NR6A1: variants seen among roughly 807,000 people sequenced by gnomAD.
The protein encoded by NR6A1 is retinoic acid receptor-related testis-associated receptor.
Under a neutral mutation model 59.1 loss-of-function variants are expected in NR6A1, and 7 were observed. The ratio of observed to expected loss-of-function variants is 0.12; its 90% confidence interval spans 0.07 to 0.22. The LOEUF (loss-of-function observed/expected upper bound fraction) is 0.22. Ranked by LOEUF, NR6A1 falls within the 10% of genes least tolerant of loss-of-function variation. NR6A1 has a pLI of 1.00. For synonymous variants in NR6A1, 243 were observed against 236.1 expected, an observed-to-expected ratio of 1.03 and a Z score of -0.27; for missense variants, 468 against 611.6, an observed-to-expected ratio of 0.77 and a Z score of 2.48.
chr9:124,528,708 AAAAT>A (rs1183377008), intron 7 of NR6A1, among the ~76,000 whole-genome samples: 1 of 152,104 alleles, frequency 6.6e-6, no homozygotes, highest in African/African-American at 2.4e-5. Flanking sequence ...TCAGAAAAAA[AAAAT>A]AAAACAAAAA....
Position 124,711,187 on chromosome 9 carries a change from TAAAAAAAAAAA to T in NR6A1, c.142+22110_142+22120del, listed in dbSNP as rs58609931. 3.0e-3 allele frequency among the ~76,000 whole-genome samples: 201 copies of T among 66,496 alleles called. 3 individuals are homozygous for T. The East Asian group carries it at 0.067, about 22-fold the overall frequency. The allele number at this position is 66,496 out of a possible 152,430, so 43.6% of individuals were successfully genotyped here. On this transcript the variant is annotated intron_variant, in intron 2 of 9. Transcript: ENST00000487099. ...TTACATGCCTAAGTCAGCTAAGGTT[TAAAAAAAAAAA>T]AAAAAAAAAAAAAAAAAGCTGGCAT...
intron 2 of NR6A1, among the ~76,000 whole-genome samples, chr9:124,557,090 C>T (rs1033573474): frequency 6.6e-6 from 1 of 152,126 alleles, no homozygotes; most frequent in Admixed American, 6.5e-5. Flanking sequence ...GAAAACAGCA[C>T]AGTGACAAAT....
intron 2 of NR6A1, among the ~76,000 whole-genome samples, chr9:124,674,206 C>A (rs1249273073): frequency 3.3e-5 from 5 of 152,162 alleles, no homozygotes; most frequent in African/African-American, 1.2e-4. Context: ...GAGACCAATT[C>A]ACACACCCTT....
At position 124,679,735 on chromosome 9, in the gene NR6A1, C is replaced by CA. The variant is rs775165906; in HGVS notation, c.142+53572dup. On this transcript the variant is annotated intron_variant, in intron 2 of 9. Coordinates refer to ENST00000487099, the MANE Select transcript of NR6A1 (RefSeq NM_033334.4). Reference sequence around the variant, plus strand: ...TAAAACCCCATCTCTACTAAAAATACAAAAAAAAAAAATTAGCCGGTCATG... The same window carrying CA: ...TAAAACCCCATCTCTACTAAAAATACAAAAAAAAAAAAATTAGCCGGTCATG... Among the ~76,000 whole-genome samples, 1,208 of 140,706 alleles carry CA rather than the reference C, an allele frequency of 8.6e-3. 14 individuals are homozygous for CA. Among genetic ancestry groups the CA allele is most frequent in the East Asian group, 0.026 (129 of 4,914 alleles). 92.3% of individuals were successfully genotyped at this position (140,706 alleles called of 152,430 possible).
chr9:124,567,166 T>G (rs1834280740), intron 2 of NR6A1, among the ~76,000 whole-genome samples: 1 of 151,518 alleles, frequency 6.6e-6, no homozygotes, highest in African/African-American at 2.4e-5. Flanking sequence ...AGTGGGAATA[T>G]TCTAAAGGCA....
chr9:124,654,657 T>C (rs1277824920), intron 2 of NR6A1, among the ~76,000 whole-genome samples: 4 of 152,080 alleles, frequency 2.6e-5, no homozygotes, highest in East Asian at 1.9e-4. Context: ...TACTTCCTCA[T>C]TCAAGATGTC....
At chr9:124,551,770 T>G (rs1187639736) in intron 3 of NR6A1, among the ~76,000 whole-genome samples, 1 of 152,246 alleles carries the variant, frequency 6.6e-6, no homozygotes, top group Non-Finnish European at 1.5e-5. Flanking sequence ...TAGTAACATT[T>G]ATTTTTTTGT....
At chr9:124,537,369 G>A (rs1588646891) in intron 6 of NR6A1, among the ~76,000 whole-genome samples, 1 of 152,196 alleles carries the variant, frequency 6.6e-6, no homozygotes, top group East Asian at 1.9e-4. Context: ...TTACAGGCAT[G>A]AGCCACCACG....
intron 1 of NR6A1, among the ~76,000 whole-genome samples, chr9:124,737,598 G>C (rs1257390058): frequency 6.6e-6 from 1 of 152,208 alleles, no homozygotes; most frequent in Non-Finnish European, 1.5e-5. Flanking sequence ...GGGCGCAGTG[G>C]CTCACACCTG....
intron 1 of NR6A1, among the ~76,000 whole-genome samples, chr9:124,738,690 A>G (rs1256228679): frequency 6.6e-6 from 1 of 151,988 alleles, no homozygotes; most frequent in Non-Finnish European, 1.5e-5. Context: ...CCAACATGGT[A>G]AAACCCCATC....
chr9:124,553,248 A>C (rs1357897872), intron 3 of NR6A1, among the ~76,000 whole-genome samples: 3 of 151,572 alleles, frequency 2.0e-5, no homozygotes, highest in Non-Finnish European at 4.4e-5. Flanking sequence ...TGGGAATACC[A>C]CTCTAGGCTT....
chr9:124,673,740 A>T (rs1030459870), intron 2 of NR6A1, among the ~76,000 whole-genome samples: 1 of 152,110 alleles, frequency 6.6e-6, no homozygotes, highest in Non-Finnish European at 1.5e-5. Context: ...TTAGACAAAA[A>T]TCTCCTATTT....
At chr9:124,743,150 A>C (rs1840224264) in intron 1 of NR6A1, among the ~76,000 whole-genome samples, 1 of 152,238 alleles carries the variant, frequency 6.6e-6, no homozygotes, top group African/African-American at 2.4e-5. Context: ...AAGCAGCTCC[A>C]GACCTAGGCA....
intron 2 of NR6A1, among the ~76,000 whole-genome samples, chr9:124,645,086 ATATACT>A (rs1836893417): frequency 3.9e-5 from 6 of 152,224 alleles, no homozygotes; most frequent in Admixed American, 1.3e-4. Context: ...GGTTATAAAT[ATATACT>A]GCAATCTCTA....
intron 2 of NR6A1, among the ~76,000 whole-genome samples, chr9:124,660,706 GC>G (rs1837407394): frequency 6.7e-6 from 1 of 148,268 alleles, no homozygotes; most frequent in Admixed American, 6.7e-5. Flanking sequence ...GCTACTTCTA[GC>G]TTTTTTAACC....
At chr9:124,752,259 ACT>A (rs1442506575) in intron 1 of NR6A1, among the ~76,000 whole-genome samples, 6 of 152,328 alleles carry the variant, frequency 3.9e-5, no homozygotes, top group African/African-American at 1.4e-4. Flanking sequence ...ACAGAGCAAG[ACT>A]CTGTCTCAAA....
intron 2 of NR6A1, among the ~76,000 whole-genome samples, chr9:124,724,557 T>C (rs1226558489): frequency 1.3e-5 from 2 of 152,076 alleles, no homozygotes; most frequent in Non-Finnish European, 2.9e-5. Context: ...AAATTCAATC[T>C]TCAACTTTGG....
At chr9:124,720,784 A>C (rs969018491) in intron 2 of NR6A1, among the ~76,000 whole-genome samples, 8 of 152,172 alleles carry the variant, frequency 5.3e-5, no homozygotes, top group Admixed American at 5.2e-4. Flanking sequence ...TTTAGAAAAA[A>C]AAAGTTAATT....
intron 2 of NR6A1, among the ~76,000 whole-genome samples, chr9:124,575,487 T>C (rs1834562215): frequency 6.6e-6 from 1 of 152,024 alleles, no homozygotes; most frequent in African/African-American, 2.4e-5. Flanking sequence ...GACAGGAGAA[T>C]CGTTTGAACC....
Sources: gnomAD v4.1 joint callset for allele counts (sites outside exome capture counted in the v4.1 genomes callset) on GRCh38, gnomAD v4.1.1 for gene constraint, MANE v1.5 for transcripts, NCBI Gene and HGNC (gene_info 2026-07-23, HGNC 2026-07-21) for gene names.